The following CDH1 variants were observed in gnomAD, a reference collection of about 807,000 sequenced individuals.
The protein encoded by CDH1 is cadherin 1.
CDH1 carries 35 observed loss-of-function variants against 84.5 expected under a neutral mutation model. That is an observed-to-expected ratio of 0.41 (90% CI 0.32 to 0.55). The LOEUF (loss-of-function observed/expected upper bound fraction) is 0.55, where lower values mean the gene tolerates loss of function less well. Ranked by LOEUF, CDH1 falls within the 20% of genes least tolerant of loss-of-function variation. The probability of loss-of-function intolerance (pLI) is 0.19; values close to 1 mark genes in which losing one functional copy is unlikely to be tolerated. For synonymous variants in CDH1, 417 were observed against 439.0 expected, an observed-to-expected ratio of 0.95 and a Z score of 0.63; for missense variants, 994 against 1,126.6, an observed-to-expected ratio of 0.88 and a Z score of 1.68.
At chr16:68,797,572 C>T (rs1452549038) in intron 2 of CDH1, among the ~76,000 whole-genome samples, 1 of 152,118 alleles carries the variant, frequency 6.6e-6, no homozygotes, top group Admixed American at 6.6e-5. Context: ...CCCAGCTACT[C>T]AGGAGGCTGA....
intron 2 of CDH1, among the ~76,000 whole-genome samples, chr16:68,738,936 CTTT>C (rs1555509828): frequency 6.0e-3 from 69 of 11,428 alleles, no homozygotes; most frequent in African/African-American, 0.011. Context: ...GATATAAAAG[CTTT>C]TTTTTTTTTT....
chr16:68,818,244 A>C (rs902108561), intron 10 of CDH1, among the ~76,000 whole-genome samples: 1 of 151,440 alleles, frequency 6.6e-6, no homozygotes, highest in Non-Finnish European at 1.5e-5. Context: ...TGTCCCAAAA[A>C]AAAAAAAAAA....
chr16:68,810,310 T>C lies in CDH1; in HGVS notation c.801T>C (p.Phe267=), dbSNP rs763703927. 20 of 1,614,014 alleles carry C rather than the reference T, an allele frequency of 1.2e-5. 2 individuals carry two copies. The South Asian group carries it at 2.1e-4, about 17-fold the overall frequency. The change falls in exon 6 of 16, where the codon TTT becomes TTC. Residue 267 remains phenylalanine, a synonymous_variant. Coordinates refer to ENST00000261769, the MANE Select transcript of CDH1 (RefSeq NM_004360.5). ...AGCCCGAATTCACCCAGGAGGTCTT[T>C]AAGGGGTCTGTCATGGAAGGTGCTC... is the stretch of plus-strand genomic sequence containing the variant. The part of the protein sequence containing the change: ...DNKPEFTQEV[F]KGSVMEGALP...
At chr16:68,800,204 C>T (rs4783685) in intron 2 of CDH1, among the ~76,000 whole-genome samples, 35,047 of 151,120 alleles carry the variant, frequency 0.23, 4,895 homozygotes, top group Middle Eastern at 0.33. Flanking sequence ...AAAAAAAAAC[C>T]AAGGCCTTAA....
chr16:68,797,455 G>T (rs1430626864), intron 2 of CDH1, among the ~76,000 whole-genome samples: 3 of 152,168 alleles, frequency 2.0e-5, no homozygotes, highest in African/African-American at 7.2e-5. Context: ...GGCCAAAGCG[G>T]GAAGATGGCT....
intron 2 of CDH1, among the ~76,000 whole-genome samples, chr16:68,776,016 A>G (rs548324027): frequency 1.8e-4 from 27 of 152,220 alleles, no homozygotes; most frequent in Admixed American, 2.6e-4. Flanking sequence ...TCAGTTTATC[A>G]CCCAGACTGG....
At chr16:68,769,918 T>C (rs577446067) in intron 2 of CDH1, among the ~76,000 whole-genome samples, 3 of 151,540 alleles carry the variant, frequency 2.0e-5, no homozygotes, top group South Asian at 2.1e-4. Flanking sequence ...GAGCTCGTCA[T>C]GATCTGCCCA....
At chr16:68,755,808 G>T (rs967779185) in intron 2 of CDH1, among the ~76,000 whole-genome samples, 2 of 148,372 alleles carry the variant, frequency 1.3e-5, no homozygotes, top group African/African-American at 5.0e-5. Flanking sequence ...TTGTTGCCCA[G>T]GCTAGAGTGC....
intron 2 of CDH1, among the ~76,000 whole-genome samples, chr16:68,739,016 T>G (rs144910517): frequency 2.6e-3 from 346 of 132,276 alleles, no homozygotes; most frequent in Admixed American, 5.8e-3. Flanking sequence ...GGCACAATCA[T>G]AGCTTACTGC....
At chr16:68,830,117 G>A (rs2152142719) in intron 15 of CDH1, among the ~76,000 whole-genome samples, 1 of 151,164 alleles carries the variant, frequency 6.6e-6, no homozygotes, top group African/African-American at 2.5e-5. Context: ...ACCACACTCA[G>A]CTAATTTTGT....
At chr16:68,804,725 C>T (rs527395678) in intron 3 of CDH1, among the ~76,000 whole-genome samples, 2 of 151,744 alleles carry the variant, frequency 1.3e-5, no homozygotes, top group Non-Finnish European at 2.9e-5. Flanking sequence ...CTTCTGGAAC[C>T]AGGTGGTACT....
chr16:68,784,622 C>T (rs1435411116), intron 2 of CDH1, among the ~76,000 whole-genome samples: 1 of 152,094 alleles, frequency 6.6e-6, no homozygotes, highest in Non-Finnish European at 1.5e-5. Flanking sequence ...TACCTGTGTA[C>T]ACTGTGTAGT....
chr16:68,819,447 C>T lies in CDH1; in HGVS notation c.1711+22C>T, dbSNP rs752437235. ...AATGGTAAGGGGGCCTCATCTGAGC[C>T]TTTGCTGCCTCGACCTCCTAGCTAG... On this transcript the variant is annotated intron_variant, in intron 11 of 15. Coordinates refer to ENST00000261769, the MANE Select transcript of CDH1 (RefSeq NM_004360.5). 1.9e-6 allele frequency: 3 copies of T among 1,612,120 alleles called. No homozygotes were observed. In the South Asian group the frequency reaches 3.3e-5, roughly 18 times the overall value.
intron 2 of CDH1, among the ~76,000 whole-genome samples, chr16:68,766,480 A>G (rs1233147828): frequency 6.6e-6 from 1 of 152,144 alleles, no homozygotes; most frequent in Non-Finnish European, 1.5e-5. Flanking sequence ...CTTCCGGTCA[A>G]TGTTTTCCCT....
intron 14 of CDH1, among the ~76,000 whole-genome samples, chr16:68,828,938 G>A (rs1252373436): frequency 2.0e-5 from 3 of 152,106 alleles, no homozygotes; most frequent in Non-Finnish European, 2.9e-5. Context: ...ATAGGGAGGT[G>A]GGTGTACAGA....
At chr16:68,811,222 A>G (rs1192283543) in intron 6 of CDH1, among the ~76,000 whole-genome samples, 2 of 151,874 alleles carry the variant, frequency 1.3e-5, no homozygotes, top group Non-Finnish European at 2.9e-5. Context: ...ACATGGAGAA[A>G]CCCTGTCTCT....
intron 2 of CDH1, among the ~76,000 whole-genome samples, chr16:68,764,831 C>T (rs1036901410): frequency 2.0e-5 from 3 of 152,224 alleles, no homozygotes; most frequent in African/African-American, 7.2e-5. Context: ...TTCACTCTTC[C>T]ATTCAGGTAG....
intron 14 of CDH1, among the ~76,000 whole-genome samples, chr16:68,829,329 A>G (rs1190364324): frequency 6.6e-6 from 1 of 152,208 alleles, no homozygotes; most frequent in African/African-American, 2.4e-5. Flanking sequence ...CGATGGATGT[A>G]TACTTTTCTC....
chr16:68,772,597 G>A (rs1401121850), intron 2 of CDH1, among the ~76,000 whole-genome samples: 1 of 152,070 alleles, frequency 6.6e-6, no homozygotes, highest in Non-Finnish European at 1.5e-5. Context: ...TGTGATGTAG[G>A]TCTTCCTCAA....
Sources: allele counts gnomAD v4.1 joint callset (sites outside exome capture counted in the v4.1 genomes callset), GRCh38; gene constraint gnomAD v4.1.1; transcripts MANE v1.5; gene names NCBI Gene and HGNC (gene_info 2026-07-23, HGNC 2026-07-21).